Variants in TTLL6 observed in about 807,000 individuals in gnomAD.
TTLL6 encodes the protein tubulin polyglutamylase TTLL6.
In TTLL6, 75 loss-of-function variants were observed where a neutral mutation model predicts 96.4. That is an observed-to-expected ratio of 0.78 (90% confidence interval 0.65 to 0.94). The LOEUF (loss-of-function observed/expected upper bound fraction) is 0.94, where lower values mean the gene tolerates loss of function less well. Ranked by LOEUF, TTLL6 falls within the 40% of genes least tolerant of loss-of-function variation. The pLI is 0.00. For missense variants in TTLL6, 1,030 were observed against 1,093.0 expected (o/e 0.94, Z 0.81); for synonymous variants, 411 against 419.4 (o/e 0.98, Z 0.24).
chr17:48,816,339 T>C lies in TTLL6; in HGVS notation c.103+631A>G, dbSNP rs193102890. Among the ~76,000 whole-genome samples the C allele has an allele frequency of 2.7e-3, 404 of 151,408 alleles. 1 individual carries two copies. Among genetic ancestry groups the C allele is most frequent in the Non-Finnish European group, 4.6e-3 (313 of 67,952 alleles). ...ATAATAATAAGATTGGCATAAATAT[T>C]AAATTTTTTTGGAGTGCCTCGCACA... On this transcript the variant is annotated intron_variant, in intron 1 of 15. Coordinates refer to ENST00000393382, the MANE Select transcript of TTLL6 (RefSeq NM_001130918.3).
intron 13 of TTLL6, among the ~76,000 whole-genome samples, chr17:48,771,633 A>AAT (rs1198007330): frequency 4.6e-5 from 7 of 150,804 alleles, no homozygotes; most frequent in South Asian, 2.1e-4. Flanking sequence ...CCCTGACTAA[A>AAT]ATATATATAT....
chr17:48,789,857 C>T, intron 10 of TTLL6, 74 bp downstream of exon 10: 1 of 1,537,102 alleles, frequency 6.5e-7, no homozygotes, highest in Non-Finnish European at 8.8e-7. Flanking sequence ...GCACCCGGCC[C>T]AGGACAGATC....
At chr17:48,804,663 G>A in intron 2 of TTLL6, 109 bp downstream of exon 2, 2 of 910,236 alleles carry the variant, frequency 2.2e-6, no homozygotes, top group Non-Finnish European at 3.4e-6. Context: ...GACAGTCTCA[G>A]CACACAGTTT....
chr17:48,803,911 G>A lies in TTLL6; in HGVS notation c.341C>T (p.Ser114Phe). ...CTCACCACTCTCATACCGGCAGCTG[G>A]ATAGATTGATCACCAATCATCTGGA... is the stretch of plus-strand genomic sequence containing the variant. ...RKKKRLVINL[S>F]SCRYESVRRA... The change falls in exon 3 of 16, where the codon TCC (serine) becomes TTC (phenylalanine). Residue 114 changes from serine (S) to phenylalanine (F), a missense_variant. Coordinates refer to ENST00000393382, the MANE Select transcript of TTLL6 (RefSeq NM_001130918.3). 6.4e-7 allele frequency: 1 copy of A among 1,551,954 alleles called. No homozygotes were observed. Among genetic ancestry groups the A allele is most frequent in the Non-Finnish European group, 8.7e-7 (1 of 1,147,064 alleles).
Position 48,797,100 on chromosome 17 carries a change from A to G in TTLL6, c.873T>C (p.Phe291=), listed in dbSNP as rs771282183. 3.8e-5 allele frequency: 59 copies of G among 1,551,462 alleles called. No homozygotes were observed. In the African/African-American group the frequency reaches 7.8e-4, roughly 21 times the overall value. The part of the protein sequence containing the change: ...IFVYNEGLAR[F]ATTSYSRPCT... The stretch of plus-strand genomic sequence containing the variant: ...AAGGGCGGGAGTAAGAGGTCGTCGC[A>G]AAGCGGGCCAGTCCTTCATTGTACA... The change falls in exon 7 of 16, where the codon TTT becomes TTC. Residue 291 remains phenylalanine (F), a synonymous_variant. Coordinates refer to ENST00000393382, the MANE Select transcript of TTLL6 (RefSeq NM_001130918.3).
intron 2 of TTLL6, chr17:48,804,356 G>C: frequency 2.1e-6 from 1 of 484,060 alleles, no homozygotes; most frequent in South Asian, 1.5e-5. Flanking sequence ...TCTGAATGGA[G>C]CAAGGCATGG....
At chr17:48,802,142 GAAAGAAAGAAAAT>G (rs2039437330) in intron 3 of TTLL6, among the ~76,000 whole-genome samples, 1 of 113,114 alleles carries the variant, frequency 8.8e-6, no homozygotes, top group African/African-American at 3.4e-5. Context: ...AAGAAAGAAA[GAAAGAAAGAAAAT>G]AAAGGAACAT....
rs1373623591 is a variant in TTLL6, at chr17:48,794,269, G to A, written c.998+1792C>T. 3 of 1,613,910 alleles carry A rather than the reference G, an allele frequency of 1.9e-6. No homozygotes were observed. In the East Asian group the frequency reaches 6.7e-5, roughly 36 times the overall value. ...AGGGCCCAGGGCCTGCTGTTGGGGT[G>A]CCAATTCTCATTGGAGGAGGAAAAT... is the stretch of plus-strand genomic sequence containing the variant. On this transcript the variant is annotated intron_variant, in intron 8 of 15. Coordinates refer to ENST00000393382, the MANE Select transcript of TTLL6 (RefSeq NM_001130918.3).
At chr17:48,780,702 G>C (rs999555719) in intron 13 of TTLL6, among the ~76,000 whole-genome samples, 1 of 151,916 alleles carries the variant, frequency 6.6e-6, no homozygotes. Flanking sequence ...TCTAAGAGGG[G>C]CTACTCTAGA....
chr17:48,807,030 C>CA (rs763010718), intron 1 of TTLL6, among the ~76,000 whole-genome samples: 46 of 146,052 alleles, frequency 3.1e-4, no homozygotes, highest in Middle Eastern at 3.5e-3. Flanking sequence ...GACTCCGTCT[C>CA]AAAAAAAAAA....
chr17:48,814,321 A>G, intron 1 of TTLL6, among the ~76,000 whole-genome samples: 1 of 150,244 alleles, frequency 6.7e-6, no homozygotes, highest in South Asian at 2.1e-4. Flanking sequence ...AGTGTCTCAA[A>G]AAAAAAAAAA....
chr17:48,780,016 G>A (rs1186831750), intron 13 of TTLL6, among the ~76,000 whole-genome samples: 1 of 151,296 alleles, frequency 6.6e-6, no homozygotes, highest in Non-Finnish European at 1.5e-5. Flanking sequence ...AGGTTATAGG[G>A]TACATTTATT....
intron 15 of TTLL6, among the ~76,000 whole-genome samples, chr17:48,764,532 T>C (rs953259): frequency 0.28 from 42,589 of 152,072 alleles, 7,095 homozygotes; most frequent in South Asian, 0.39. Flanking sequence ...TCTGTAAACC[T>C]GATGTGTGGA....
In TTLL6 at chr17:48,804,876, ATCT is replaced by A. The variant is rs769800553; in HGVS notation, c.216_218del (p.Glu72del). ...AAGCCAGCGCGACGGTTTCTTTTGGATCTTCTTTGGAACTGTCCCCCTTCTCTT... is the reference window on the plus strand; with the variant it reads ...AAGCCAGCGCGACGGTTTCTTTTGGATCTTTGGAACTGTCCCCCTTCTCTT... On this transcript the variant is annotated inframe_deletion, in exon 2 of 16. Transcript: ENST00000393382. 11 of 1,551,900 alleles carry A rather than the reference ATCT, an allele frequency of 7.1e-6. No homozygotes were observed. In the African/African-American group the frequency reaches 1.5e-4, roughly 21 times the overall value.
chr17:48,785,687 A>C (rs2039077692), intron 12 of TTLL6, among the ~76,000 whole-genome samples: 1 of 152,110 alleles, frequency 6.6e-6, no homozygotes, highest in South Asian at 2.1e-4. Context: ...CACGCTTTGC[A>C]TAGAGGAGGA....
chr17:48,784,396 C>T (rs908875381), intron 13 of TTLL6, among the ~76,000 whole-genome samples: 2 of 151,848 alleles, frequency 1.3e-5, no homozygotes, highest in Non-Finnish European at 2.9e-5. Flanking sequence ...CAGAGCCAGA[C>T]CTTGTCTCAA....
At chr17:48,810,792 TAGTACATATATACAC>T (rs1277746379) in intron 1 of TTLL6, among the ~76,000 whole-genome samples, 1 of 74,634 alleles carries the variant, frequency 1.3e-5, no homozygotes, top group African/African-American at 5.2e-5. Flanking sequence ...TATATATATA[TAGTACATATATACAC>T]ATATATAGTA....
chr17:48,803,900 A>G lies in TTLL6; in HGVS notation c.352T>C (p.Tyr118His). 3 of 1,552,062 alleles carry G rather than the reference A, an allele frequency of 1.9e-6. No individual in the cohort carries two copies. Among genetic ancestry groups the G allele is most frequent in the Non-Finnish European group, 2.6e-6 (3 of 1,147,066 alleles). Residue 118 changes from tyrosine to histidine, a missense_variant, in exon 3 of 16, where the codon TAT becomes CAT. By Grantham distance (83) the Tyr-to-His change is moderately conservative (BLOSUM62 2). Transcript: ENST00000393382. ...GAATGTAGATGCTCACCACTCTCAT[A>G]CCGGCAGCTGGATAGATTGATCACC... Reference protein sequence around the residue: ...RLVINLSSCRYESVRRAAQQY... With the variant: ...RLVINLSSCRHESVRRAAQQY...
In TTLL6 at chr17:48,804,892, T is replaced by C. The variant is rs1222018346; in HGVS notation, c.203A>G (p.Asp68Gly). The change falls in exon 2 of 16, where the codon GAC (aspartate) becomes GGC (glycine). Residue 68 changes from aspartate to glycine, a missense_variant. Coordinates refer to ENST00000393382, the MANE Select transcript of TTLL6 (RefSeq NM_001130918.3). ...QEGENSEEKG[D>G]SSKEDPKETV... is the part of the protein sequence containing the mutation. ...TTCTTTTGGATCTTCTTTGGAACTGTCCCCCTTCTCTTCGGAGTTTTCCCC... is the reference window on the plus strand; with the variant it reads ...TTCTTTTGGATCTTCTTTGGAACTGCCCCCCTTCTCTTCGGAGTTTTCCCC... The C allele has an allele frequency of 6.4e-7, 1 of 1,552,194 alleles. No individual in the cohort carries two copies. Among genetic ancestry groups the C allele is most frequent in the Admixed American group, 2.0e-5 (1 of 50,998 alleles).
Sources: allele counts gnomAD v4.1 joint callset (sites outside exome capture counted in the v4.1 genomes callset), GRCh38; gene constraint gnomAD v4.1.1; transcripts MANE v1.5; gene names NCBI Gene and HGNC (gene_info 2026-07-23, HGNC 2026-07-21).